DLGAP2: variants seen among roughly 807,000 people sequenced by gnomAD.
DLGAP2 encodes the protein disks large-associated protein 2.
DLGAP2 carries 26 observed loss-of-function variants against 100.3 expected under a neutral mutation model. The observed-to-expected ratio is 0.26, with a 90% CI of 0.19 to 0.36. DLGAP2 has a LOEUF of 0.36. DLGAP2 is among the 10% of genes least tolerant of loss of function. DLGAP2 has a pLI of 1.00. For missense variants in DLGAP2, 1,858 were observed against 1,453.2 expected, an observed-to-expected ratio of 1.28 and a Z score of -4.53; for synonymous variants, 886 against 630.1, an observed-to-expected ratio of 1.41 and a Z score of -6.08.
At chr8:1,053,893 A>G (rs1252002044) in intron 2 of DLGAP2, among the ~76,000 whole-genome samples, 1 of 152,220 alleles carries the variant, frequency 6.6e-6, no homozygotes, top group Non-Finnish European at 1.5e-5. Flanking sequence ...CTTTTAGAGC[A>G]AGTACTGTTG....
At chr8:1,609,851 A>G (rs1469100435) in intron 6 of DLGAP2, among the ~76,000 whole-genome samples, 3 of 149,024 alleles carry the variant, frequency 2.0e-5, no homozygotes, top group Admixed American at 1.3e-4. Context: ...TCCTAAATAT[A>G]TATGCACCCA....
At chr8:1,254,410 A>C (rs1421687177) in intron 2 of DLGAP2, among the ~76,000 whole-genome samples, 1 of 152,134 alleles carries the variant, frequency 6.6e-6, no homozygotes, top group South Asian at 2.1e-4. Flanking sequence ...TGTCATGCCA[A>C]GGTCTCAGTG....
At chr8:1,240,155 C>T (rs1324996177) in intron 2 of DLGAP2, among the ~76,000 whole-genome samples, 3 of 148,112 alleles carry the variant, frequency 2.0e-5, no homozygotes, top group Non-Finnish European at 3.0e-5. Flanking sequence ...CTCTCTCATA[C>T]ATAGTGTCAT....
intron 7 of DLGAP2, among the ~76,000 whole-genome samples, chr8:1,627,119 T>A (rs1482881851): frequency 1.3e-5 from 2 of 152,266 alleles, no homozygotes; most frequent in Admixed American, 1.3e-4. Flanking sequence ...GATTTTTTTC[T>A]GAGGAAGCAA....
At chr8:837,053 G>A (rs890187878) in intron 1 of DLGAP2, among the ~76,000 whole-genome samples, 14 of 152,216 alleles carry the variant, frequency 9.2e-5, no homozygotes, top group Non-Finnish European at 2.9e-5. Flanking sequence ...CCCGGGGTTC[G>A]AGTCCTATCT....
At chr8:1,295,022 G>A (rs1311461328) in intron 3 of DLGAP2, among the ~76,000 whole-genome samples, 1 of 152,108 alleles carries the variant, frequency 6.6e-6, no homozygotes, top group Non-Finnish European at 1.5e-5. Context: ...ATTGTTAATA[G>A]AAGGGTGATA....
At chr8:761,236 T>C (rs1286455440) in intron 1 of DLGAP2, among the ~76,000 whole-genome samples, 1 of 152,160 alleles carries the variant, frequency 6.6e-6, no homozygotes, top group African/African-American at 2.4e-5. Context: ...TCCCAGTGAA[T>C]TGGTAGAACC....
chr8:1,191,635 C>G (rs951340264), intron 2 of DLGAP2, among the ~76,000 whole-genome samples: 12 of 149,570 alleles, frequency 8.0e-5, no homozygotes, highest in Non-Finnish European at 1.6e-4. Context: ...GGTCCGTTCT[C>G]TGTTGCAATG....
In DLGAP2 at chr8:1,488,629, T is replaced by C. The variant is rs533349425; in HGVS notation, c.107-12737T>C. 2.0e-3 allele frequency among the ~76,000 whole-genome samples: 298 copies of C among 152,246 alleles called. 4 individuals are homozygous for C. The highest frequency in any genetic ancestry group is 6.8e-3 in the African/African-American group (281 of 41,524). ...ACGCCACACAGGAGAAAACAGGGGT[T>C]TGGAGCCAGAGAGAAATTGAGGATG... is the stretch of plus-strand genomic sequence containing the variant. On this transcript the variant is annotated intron_variant, in intron 3 of 14. Coordinates refer to ENST00000637795, the MANE Select transcript of DLGAP2 (RefSeq NM_001346810.2).
chr8:1,409,523 T>A (rs1477187120), intron 3 of DLGAP2, among the ~76,000 whole-genome samples: 2 of 152,216 alleles, frequency 1.3e-5, no homozygotes, highest in Non-Finnish European at 2.9e-5. Flanking sequence ...ACGAACGTGC[T>A]CAGAACCCTC....
chr8:1,140,407 G>C (rs1796501453), intron 2 of DLGAP2, among the ~76,000 whole-genome samples: 1 of 147,156 alleles, frequency 6.8e-6, no homozygotes, highest in South Asian at 2.1e-4. Flanking sequence ...CATGCCCTAG[G>C]GTGCTTGTTC....
intron 2 of DLGAP2, among the ~76,000 whole-genome samples, chr8:964,851 T>C (rs1799809128): frequency 6.6e-6 from 1 of 152,176 alleles, no homozygotes; most frequent in Admixed American, 6.5e-5. Flanking sequence ...GGCCTTGCGA[T>C]GGCCTTTGGC....
intron 2 of DLGAP2, among the ~76,000 whole-genome samples, chr8:1,160,889 A>T (rs970348889): frequency 6.6e-6 from 1 of 152,236 alleles, no homozygotes; most frequent in Non-Finnish European, 1.5e-5. Context: ...GCAATCAGGT[A>T]AGTAACTAAA....
At chr8:1,418,241 A>G (rs1339133295) in intron 3 of DLGAP2, among the ~76,000 whole-genome samples, 1 of 152,230 alleles carries the variant, frequency 6.6e-6, no homozygotes, top group Non-Finnish European at 1.5e-5. Context: ...CATTTAAGAA[A>G]TGGATATTGT....
chr8:1,648,240 G>A lies in DLGAP2; in HGVS notation c.1810+15194G>A, dbSNP rs79579811. Among the ~76,000 whole-genome samples, 651 of 152,254 alleles carry A rather than the reference G, an allele frequency of 4.3e-3. 5 individuals carry two copies. Among genetic ancestry groups the A allele is most frequent in the African/African-American group, 0.014 (569 of 41,544 alleles). On this transcript the variant is annotated intron_variant, in intron 8 of 14. Coordinates refer to ENST00000637795, the MANE Select transcript of DLGAP2 (RefSeq NM_001346810.2). Reference sequence around the variant, plus strand: ...TTAAGTTATAAACTCCACTGTGCTCGGCTGTTAGCCTTGGCATCGACTTGA... The same window carrying A: ...TTAAGTTATAAACTCCACTGTGCTCAGCTGTTAGCCTTGGCATCGACTTGA...
intron 2 of DLGAP2, among the ~76,000 whole-genome samples, chr8:1,220,434 G>C (rs1208052613): frequency 6.6e-6 from 1 of 152,124 alleles, no homozygotes; most frequent in Non-Finnish European, 1.5e-5. Flanking sequence ...TCTTGGTGTT[G>C]ATCTCTGTTT....
intron 4 of DLGAP2, among the ~76,000 whole-genome samples, chr8:1,502,416 T>C (rs1164420421): frequency 2.6e-5 from 4 of 152,254 alleles, no homozygotes; most frequent in African/African-American, 4.8e-5. Context: ...GTGATTTTTG[T>C]TAAAGAAAAC....
At chr8:977,420 G>A (rs1185731938) in intron 2 of DLGAP2, among the ~76,000 whole-genome samples, 3 of 152,214 alleles carry the variant, frequency 2.0e-5, no homozygotes, top group Non-Finnish European at 2.9e-5. Flanking sequence ...ACATGGCAAT[G>A]TGAGGTCAAA....
intron 2 of DLGAP2, among the ~76,000 whole-genome samples, chr8:1,159,062 A>C (rs868675593): frequency 6.6e-6 from 1 of 152,210 alleles, no homozygotes; most frequent in Non-Finnish European, 1.5e-5. Context: ...TTTACCCAGG[A>C]GCCACACTGC....
Sources: gnomAD v4.1 joint callset for allele counts (sites outside exome capture counted in the v4.1 genomes callset) on GRCh38, gnomAD v4.1.1 for gene constraint, MANE v1.5 for transcripts, NCBI Gene and HGNC (gene_info 2026-07-23, HGNC 2026-07-21) for gene names.